GNAS: variants seen among roughly 807,000 people sequenced by gnomAD.
GNAS encodes the protein GNAS complex locus.
In GNAS, 8 loss-of-function variants were observed where a neutral mutation model predicts 54.5. The observed-to-expected ratio is 0.15, with a 90% CI of 0.09 to 0.26. The LOEUF (loss-of-function observed/expected upper bound fraction) is 0.26. Among genes scored for constraint, GNAS ranks in the 10% least tolerant of loss-of-function variants. The probability of loss-of-function intolerance (pLI) is 1.00; values close to 1 mark genes in which losing one functional copy is unlikely to be tolerated. For synonymous variants in GNAS, 204 were observed against 191.4 expected, an observed-to-expected ratio of 1.07 and a Z score of -0.54; for missense variants, 170 against 529.8, an observed-to-expected ratio of 0.32 and a Z score of 6.67.
At chr20:58,848,855 G>A (rs2086044392) in intron 1 of GNAS, 2 of 398,366 alleles carry the variant, frequency 5.0e-6, no homozygotes, top group East Asian at 7.1e-5. Flanking sequence ...CATTACTGAT[G>A]TTTCAGCTCT....
Position 58,841,612 on chromosome 20 carries a change from GC to G in GNAS, c.43+729del. 1 of 1,043,534 alleles carries G rather than the reference GC, an allele frequency of 9.6e-7. No individual in the cohort carries two copies. Among genetic ancestry groups the G allele is most frequent in the East Asian group, 7.2e-5 (1 of 13,972 alleles). 64.6% of individuals were successfully genotyped at this position (1,043,534 alleles called of 1,614,324 possible). On this transcript the variant is annotated intron_variant, in intron 1 of 12. Transcript: ENST00000306090. The surrounding 1 kb of genome is among the most constrained non-coding windows in gnomAD (Gnocchi z 5.0). ...ACCGCCTCAAAGAGCGTGCGCACCT[GC>G]CCGCGCGCGCCGGAGCTGACCTCTC...
upstream of GNAS, chr20:58,840,175 C>T: frequency 3.7e-6 from 6 of 1,611,652 alleles, no homozygotes; most frequent in Non-Finnish European, 5.1e-6. This position sits in a 1 kb window ranked among gnomAD's most constrained non-coding sequence, Gnocchi z 6.0. Flanking sequence ...TGTGCCCGCC[C>T]ATAGGCCGCC....
chr20:58,847,982 AG>A (rs1947567034), intron 1 of GNAS, among the ~76,000 whole-genome samples: 1 of 152,228 alleles, frequency 6.6e-6, no homozygotes, highest in Non-Finnish European at 1.5e-5. Flanking sequence ...GCGGCTTCCA[AG>A]GAACGGGGCT....
chr20:58,892,802 A>G lies in GNAS; in HGVS notation c.139+937A>G, dbSNP rs573196499. ...AAATGACACGTCATTTTACAGTGTG[A>G]CCTTTTTTTCCCCTTCCAGACTTGC... On this transcript the variant is annotated intron_variant, in intron 1 of 12. Coordinates refer to ENST00000371085, the MANE Select transcript of GNAS (RefSeq NM_000516.7). Among the ~76,000 whole-genome samples the G allele has an allele frequency of 1.5e-4, 23 of 152,040 alleles. 2 individuals are homozygous for G. In the South Asian group the frequency reaches 3.9e-3, roughly 26 times the overall value.
intron 1 of GNAS, among the ~76,000 whole-genome samples, chr20:58,879,783 C>T (rs1172375262): frequency 6.6e-6 from 1 of 152,138 alleles, no homozygotes; most frequent in African/African-American, 2.4e-5. Flanking sequence ...ATCTTTATGG[C>T]TAGACTCTCA....
chr20:58,849,119 T>C (rs749639947), intron 1 of GNAS, among the ~76,000 whole-genome samples: 23 of 152,154 alleles, frequency 1.5e-4, no homozygotes, highest in Non-Finnish European at 3.1e-4. Flanking sequence ...GGAGACATTT[T>C]TGGTTGTTAA....
At chr20:58,842,108 A>T (rs1448082866) in intron 1 of GNAS, 1 of 400,486 alleles carries the variant, frequency 2.5e-6, no homozygotes, top group African/African-American at 2.1e-5. Flanking sequence ...GGGTAGAGTT[A>T]AGTTTAATCT....
chr20:58,890,059 A>G (rs1182435467), upstream of GNAS, among the ~76,000 whole-genome samples: 1 of 151,654 alleles, frequency 6.6e-6, no homozygotes, highest in African/African-American at 2.4e-5. Context: ...AAGAACCCCA[A>G]GAACCCGGCG....
At chr20:58,892,694 G>A (rs1468151159) in intron 1 of GNAS, among the ~76,000 whole-genome samples, 1 of 152,068 alleles carries the variant, frequency 6.6e-6, no homozygotes, top group African/African-American at 2.4e-5. Context: ...GTGGAAGGAG[G>A]AGAAGGAGAG....
intron 1 of GNAS, chr20:58,864,085 T>C (rs921420489): frequency 1.3e-5 from 2 of 152,130 alleles, no homozygotes; most frequent in African/African-American, 2.4e-5. Flanking sequence ...TGCCTCCATT[T>C]TTCTAGGGTT....
chr20:58,862,040 A>G (rs906812890), intron 1 of GNAS, among the ~76,000 whole-genome samples: 2 of 151,998 alleles, frequency 1.3e-5, no homozygotes, highest in Admixed American at 6.6e-5. Context: ...AGGGCCAGCT[A>G]CTAGAAGCAG....
chr20:58,844,635 T>C (rs1462469575), intron 1 of GNAS, among the ~76,000 whole-genome samples: 2 of 152,088 alleles, frequency 1.3e-5, no homozygotes, highest in Non-Finnish European at 2.9e-5. Flanking sequence ...AATGTCTAGA[T>C]TGATTAGCTT....
At chr20:58,898,394 CAATT>C (rs1206201198) in intron 2 of GNAS, 1 of 154,626 alleles carries the variant, frequency 6.5e-6, no homozygotes, top group African/African-American at 2.4e-5. Context: ...AGTTTAATGA[CAATT>C]TATGGGGAAC....
intron 1 of GNAS, chr20:58,867,653 T>C (rs1431509943): frequency 2.6e-5 from 4 of 152,206 alleles, no homozygotes; most frequent in East Asian, 1.9e-4. Flanking sequence ...AACTTTATTC[T>C]AGGATTCCAT....
At chr20:58,886,770 A>C (rs2088618367), upstream of GNAS, among the ~76,000 whole-genome samples, 1 of 152,232 alleles carries the variant, frequency 6.6e-6, no homozygotes, top group Admixed American at 6.5e-5. Context: ...AGCCTAGCTG[A>C]CCACAAACCA....
Position 58,841,438 on chromosome 20 carries a change from C to A in GNAS, c.43+552C>A. Reference sequence around the variant, plus strand: ...GAGACTGACCACCCGGGAGGGAAGTCACGCGCGCGCGGCGCCTAAGCAGCT... The same window carrying A: ...GAGACTGACCACCCGGGAGGGAAGTAACGCGCGCGCGGCGCCTAAGCAGCT... On this transcript the variant is annotated intron_variant, in intron 1 of 12. Coordinates refer to the GNAS transcript ENST00000306090. The surrounding 1 kb of genome is among the most constrained non-coding windows in gnomAD (Gnocchi z 5.0). 1 of 991,922 alleles carries A rather than the reference C, an allele frequency of 1.0e-6. No homozygotes were observed. Among genetic ancestry groups the A allele is most frequent in the Non-Finnish European group, 1.2e-6 (1 of 834,152 alleles). The allele number at this position is 991,922 out of a possible 1,614,324, so 61.4% of individuals were successfully genotyped here. A position where few individuals can be genotyped will look rare whatever the true frequency, so the allele number is the denominator to read the frequency against.
chr20:58,864,412 T>C (rs529601684), intron 1 of GNAS, among the ~76,000 whole-genome samples: 1 of 152,298 alleles, frequency 6.6e-6, no homozygotes, highest in African/African-American at 2.4e-5. Flanking sequence ...GCTCTTTCTG[T>C]GGCTCTACTA....
chr20:58,846,524 T>C (rs1193601468), intron 1 of GNAS, among the ~76,000 whole-genome samples: 1 of 152,188 alleles, frequency 6.6e-6, no homozygotes, highest in Non-Finnish European at 1.5e-5. Context: ...AAGAGAAAGA[T>C]TTAACACCTA....
rs759364870 is a variant in GNAS at position 58,910,098 on chromosome 20, C to T, written c.970+17C>T. 1.4e-5 allele frequency: 22 copies of T among 1,612,986 alleles called. No individual in the cohort carries two copies. Among genetic ancestry groups the T allele is most frequent in the Admixed American group, 1.2e-4 (7 of 59,994 alleles). ...CTGAGGATGGTGTGTATGGCTTCCA[C>T]TCTTGCTGGCTGTTCATTGCGGTGG... On this transcript the variant is annotated intron_variant, in intron 11 of 12. Transcript: ENST00000371085. The surrounding 1 kb of genome is among the most constrained non-coding windows in gnomAD (Gnocchi z 5.8).
Sources: gnomAD v4.1 joint callset for allele counts (sites outside exome capture counted in the v4.1 genomes callset) on GRCh38, gnomAD v4.1.1 for gene constraint, Gnocchi (gnomAD v3.1) non-coding constraint, MANE v1.5 for transcripts, NCBI Gene and HGNC (gene_info 2026-07-23, HGNC 2026-07-21) for gene names.